C5orf34: variants seen among roughly 807,000 people sequenced by gnomAD.
C5orf34 encodes the protein chromosome 5 open reading frame 34.
Under a neutral mutation model 78.4 loss-of-function variants are expected in C5orf34, and 73 were observed. That is an observed-to-expected ratio of 0.93 (90% CI 0.77 to 1.13). The LOEUF (loss-of-function observed/expected upper bound fraction) is 1.13, where lower values mean the gene tolerates loss of function less well. Among genes scored for constraint, C5orf34 ranks in the 50% most tolerant of loss-of-function variants. The pLI, the probability that C5orf34 is intolerant of heterozygous loss-of-function variation, is 0.00. For synonymous variants in C5orf34, 251 were observed against 246.6 expected (o/e 1.02, Z -0.17); for missense variants, 730 against 732.7 (o/e 1.00, Z 0.04).
chr5:43,499,304 ACTC>A (rs1025341688), intron 6 of C5orf34, among the ~76,000 whole-genome samples: 3 of 151,880 alleles, frequency 2.0e-5, no homozygotes, highest in Non-Finnish European at 2.9e-5. Context: ...CTTTTGTACA[ACTC>A]CTCCTTTGGA....
At chr5:43,502,293 T>C (rs936799356) in intron 6 of C5orf34, 79 bp downstream of exon 6, 2 of 1,460,888 alleles carry the variant, frequency 1.4e-6, no homozygotes, top group Admixed American at 3.7e-5. Context: ...AATGACCAAA[T>C]TTCCCATATA....
chr5:43,502,322 AAG>A (rs1166317246), intron 6 of C5orf34, 48 bp downstream of exon 6: 2 of 1,590,596 alleles, frequency 1.3e-6, no homozygotes, highest in Admixed American at 3.5e-5. Context: ...ATTATTTAGA[AAG>A]AGCTATACAG....
At position 43,502,446 on chromosome 5, in the gene C5orf34, A is replaced by C. The variant is rs751040220; in HGVS notation, c.1078T>G (p.Ser360Ala). 5.7e-6 allele frequency: 9 copies of C among 1,584,996 alleles called. No homozygotes were observed. In the South Asian group the frequency reaches 1.0e-4, roughly 18 times the overall value. ...TAAGCCCCTTCTGATTTGAAAACAG[A>C]TCCATCCCCAGAATAAATCTCTATT... ...NSIEIYSGDG[S>A]VFKSEGAYFG... Residue 360 changes from serine to alanine, a missense_variant, in exon 6 of 13, where the codon TCT becomes GCT. Transcript: ENST00000306862.
chr5:43,500,769 C>T (rs1745723546), intron 6 of C5orf34, among the ~76,000 whole-genome samples: 1 of 152,214 alleles, frequency 6.6e-6, no homozygotes, highest in African/African-American at 2.4e-5. Flanking sequence ...TTCTGGTTTT[C>T]TGTATTCTAC....
At chr5:43,498,217 C>T (rs940094441) in intron 6 of C5orf34, among the ~76,000 whole-genome samples, 8 of 152,204 alleles carry the variant, frequency 5.3e-5, no homozygotes, top group African/African-American at 1.4e-4. Context: ...CAGTGCTTAG[C>T]ACATGGGAAG....
At chr5:43,514,709 C>T (rs1314363488) in intron 1 of C5orf34, 97 bp downstream of exon 1, 1 of 152,168 alleles carries the variant, frequency 6.6e-6, no homozygotes, top group Non-Finnish European at 1.5e-5. Context: ...CAAGTCTGTT[C>T]TTGACATGAA....
chr5:43,508,565 TAA>T lies in C5orf34; in HGVS notation c.285+10_285+11del. ...CAAATAATACTAACAAAAATGAAGTTAAAAAAATCACCTTTTTTCTTTCAGAA... is the reference window on the plus strand; with the variant it reads ...CAAATAATACTAACAAAAATGAAGTTAAAAATCACCTTTTTTCTTTCAGAA... On this transcript the variant is annotated intron_variant, in intron 3 of 12. Coordinates refer to ENST00000306862, the MANE Select transcript of C5orf34 (RefSeq NM_198566.4). 6.7e-7 allele frequency: 1 copy of T among 1,502,602 alleles called. No individual in the cohort carries two copies. Among genetic ancestry groups the T allele is most frequent in the Non-Finnish European group, 9.2e-7 (1 of 1,088,984 alleles). The allele number at this position is 1,502,602 out of a possible 1,614,324, so 93.1% of individuals were successfully genotyped here.
At chr5:43,499,173 G>A in intron 6 of C5orf34, among the ~76,000 whole-genome samples, 1 of 152,180 alleles carries the variant, frequency 6.6e-6, no homozygotes, top group East Asian at 1.9e-4. Context: ...GAATAGTCAG[G>A]AAAAGCGTCT....
chr5:43,491,550 C>A (rs1041603428), intron 10 of C5orf34, among the ~76,000 whole-genome samples: 1 of 147,178 alleles, frequency 6.8e-6, no homozygotes, highest in Non-Finnish European at 1.5e-5. Context: ...TAGAAATATA[C>A]AGAATTTCAG....
At position 43,487,073 on chromosome 5, in the gene C5orf34, T is replaced by C. The variant is rs1318280237; in HGVS notation, c.1759A>G (p.Asn587Asp). 1.3e-6 allele frequency: 2 copies of C among 1,564,900 alleles called. No homozygotes were observed. The highest frequency in any genetic ancestry group is 1.7e-6 in the Non-Finnish European group (2 of 1,158,840). The change falls in exon 13 of 13, where the codon AAC (asparagine) becomes GAC (aspartate). Residue 587 changes from asparagine (N) to aspartate (D), a missense_variant. Transcript: ENST00000306862. ...AAAGACTGTTGTTCATTTTTCTTGT[T>C]AGAAATCTGGTTTAGGATACCACTA... is the stretch of plus-strand genomic sequence containing the variant. ...ENSGILNQIS[N>D]KKNEQQSFDH...
chr5:43,489,474 T>A (rs1003382093), intron 11 of C5orf34, among the ~76,000 whole-genome samples: 1 of 152,142 alleles, frequency 6.6e-6, no homozygotes. Context: ...TTAGTGTGTA[T>A]TGACAGCCTC....
chr5:43,507,290 T>A (rs1462504357), intron 3 of C5orf34, among the ~76,000 whole-genome samples: 1 of 152,248 alleles, frequency 6.6e-6, no homozygotes, highest in Non-Finnish European at 1.5e-5. Flanking sequence ...ATTTAGCATT[T>A]CAATTCCATT....
Position 43,502,361 on chromosome 5 carries a change from T to C in C5orf34, c.1152+11A>G, listed in dbSNP as rs188353390. On this transcript the variant is annotated intron_variant, in intron 6 of 12. Transcript: ENST00000306862. ...AAAACTCTTCTTGAGTTGAGTTCATTGTTGGCTTACCTTTCCTGATCCTTC... is the reference window on the plus strand; with the variant it reads ...AAAACTCTTCTTGAGTTGAGTTCATCGTTGGCTTACCTTTCCTGATCCTTC... The C allele has an allele frequency of 6.7e-4, 1,080 of 1,610,794 alleles. 2 individuals are homozygous for C. The highest frequency in any genetic ancestry group is 5.6e-4 in the East Asian group (25 of 44,730).
chr5:43,507,448 C>T (rs998698442), intron 3 of C5orf34, among the ~76,000 whole-genome samples: 11 of 152,194 alleles, frequency 7.2e-5, no homozygotes, highest in Non-Finnish European at 1.0e-4. Flanking sequence ...CATCAAACTC[C>T]TCTTTTAGAA....
intron 6 of C5orf34, among the ~76,000 whole-genome samples, chr5:43,497,875 C>T (rs1745607841): frequency 6.6e-6 from 1 of 152,208 alleles, no homozygotes. Flanking sequence ...CTTTCACTTT[C>T]TCTACGCTGT....
chr5:43,511,056 C>T (rs1455965864), intron 1 of C5orf34: 5 of 182,776 alleles, frequency 2.7e-5, no homozygotes, highest in South Asian at 2.6e-4. Flanking sequence ...CCCCGCCGCC[C>T]CGTCTGGGAT....
At chr5:43,496,567 C>A (rs1487557498) in intron 6 of C5orf34, 900 of 673,052 alleles carry the variant, frequency 1.3e-3, no homozygotes, top group Non-Finnish European at 1.7e-3. Context: ...CCTATTCATT[C>A]AAAAGTTTTT....
chr5:43,493,632 T>G lies in C5orf34; in HGVS notation c.1245-20A>C, dbSNP rs993612043. ...AGAATTCTGTGAACACAAAAAATAC[T>G]ACTTAAACATTTGCAAATGACATTT... On this transcript the variant is annotated intron_variant, in intron 7 of 12. Coordinates refer to ENST00000306862, the MANE Select transcript of C5orf34 (RefSeq NM_198566.4). 26 of 1,429,680 alleles carry G rather than the reference T, an allele frequency of 1.8e-5. No homozygotes were observed. The highest frequency in any genetic ancestry group is 2.5e-5 in the Non-Finnish European group (26 of 1,044,018). 88.6% of individuals were successfully genotyped at this position (1,429,680 alleles called of 1,614,324 possible).
At chr5:43,514,645 C>T (rs1746406659) in intron 1 of C5orf34, among the ~76,000 whole-genome samples, 161 bp downstream of exon 1, 1 of 152,190 alleles carries the variant, frequency 6.6e-6, no homozygotes, top group African/African-American at 2.4e-5. Flanking sequence ...TTCCCGCTTG[C>T]GTTCTCATCA....
Sources: gnomAD v4.1 joint callset for allele counts (sites outside exome capture counted in the v4.1 genomes callset) on GRCh38, gnomAD v4.1.1 for gene constraint, MANE v1.5 for transcripts, NCBI Gene and HGNC (gene_info 2026-07-23, HGNC 2026-07-21) for gene names.